LCK: variants seen among roughly 807,000 people sequenced by gnomAD.
LCK encodes tyrosine-protein kinase Lck.
In LCK, 14 loss-of-function variants were observed where a neutral mutation model predicts 64.6. The observed-to-expected ratio is 0.22, with a 90% CI of 0.14 to 0.34. The LOEUF is 0.34. Among genes scored for constraint, LCK ranks in the 10% least tolerant of loss-of-function variants. The pLI is 1.00. For synonymous variants in LCK, 277 were observed against 263.6 expected (o/e 1.05, Z -0.49); for missense variants, 434 against 668.1 (o/e 0.65, Z 3.86).
chr1:32,265,119 G>A (rs746139653), intron 1 of LCK, among the ~76,000 whole-genome samples: 1 of 151,720 alleles, frequency 6.6e-6, no homozygotes, highest in Non-Finnish European at 1.5e-5. Context: ...AGGCACGGAG[G>A]TTGCAGTGAG....
At chr1:32,253,474 G>T (rs1011807370) in intron 1 of LCK, among the ~76,000 whole-genome samples, 2 of 152,162 alleles carry the variant, frequency 1.3e-5, no homozygotes, top group Admixed American at 6.5e-5. Context: ...AGTAGAGATG[G>T]AGTTTCACTA....
intron 12 of LCK, among the ~76,000 whole-genome samples, chr1:32,284,933 A>G (rs781254700): frequency 2.6e-5 from 4 of 152,166 alleles, no homozygotes; most frequent in Non-Finnish European, 5.9e-5. Context: ...GCAATGTGCT[A>G]TGATTGTGCC....
At chr1:32,255,813 T>A (rs1639618045) in intron 1 of LCK, among the ~76,000 whole-genome samples, 1 of 150,596 alleles carries the variant, frequency 6.6e-6, no homozygotes, top group Non-Finnish European at 1.5e-5. Flanking sequence ...TTTTTTTTTT[T>A]TTTTTTTGAG....
At chr1:32,255,810 T>A (rs199683565) in intron 1 of LCK, among the ~76,000 whole-genome samples, 7 of 150,560 alleles carry the variant, frequency 4.6e-5, no homozygotes, top group Non-Finnish European at 8.9e-5. Context: ...ATTTTTTTTT[T>A]TTTTTTTTTT....
chr1:32,268,325 A>G (rs1639984355), intron 1 of LCK, among the ~76,000 whole-genome samples: 1 of 151,970 alleles, frequency 6.6e-6, no homozygotes, highest in African/African-American at 2.4e-5. Context: ...TTATTTATTT[A>G]CTTTAGACAA....
rs538534683 is a variant in LCK at position 32,254,885 on chromosome 1, G to A, written c.-6+3514G>A. Among the ~76,000 whole-genome samples, 721 of 152,070 alleles carry A rather than the reference G, an allele frequency of 4.7e-3. 5 individuals carry two copies. The highest frequency in any genetic ancestry group is 0.017 in the African/African-American group (685 of 41,498). ...TCAAACAGGCCAGGCACAGTGGCTC[G>A]CACCTGTAATCCTAGCACTTTGGGG... is the stretch of plus-strand genomic sequence containing the variant. On this transcript the variant is annotated intron_variant, in intron 1 of 12. Transcript: ENST00000336890.
In LCK at chr1:32,276,924, C is replaced by T; in HGVS notation, c.964+138C>T. The T allele has an allele frequency of 1.1e-6, 1 of 909,468 alleles. No individual in the cohort carries two copies. The highest frequency in any genetic ancestry group is 2.0e-5 in the South Asian group (1 of 48,836). 56.3% of individuals were successfully genotyped at this position (909,468 alleles called of 1,614,324 possible). A position where few individuals can be genotyped will look rare whatever the true frequency, so the allele number is the denominator to read the frequency against. On this transcript the variant is annotated intron_variant, in intron 9 of 12. Transcript: ENST00000336890. The surrounding 1 kb of genome is among the most constrained non-coding windows in gnomAD (Gnocchi z 4.6). ...TGAGCTTTCCTGCCCCCTGGAGACT[C>T]ACCTCCAGCCGGGCGCGGTGGCTCA...
chr1:32,265,611 G>T (rs1253829625), intron 1 of LCK, among the ~76,000 whole-genome samples: 1 of 152,114 alleles, frequency 6.6e-6, no homozygotes, highest in Admixed American at 6.6e-5. Context: ...GGGATTTTCT[G>T]GCCCAGATTC....
In LCK at chr1:32,275,723, C is replaced by G. The variant is rs1640244020; in HGVS notation, c.481+51C>G. ...GCGCGGGGGTGCCCCGGGGTGTGCC[C>G]GAGGGGGGGCGCAGGGTGAGCCCGA... On this transcript the variant is annotated intron_variant, in intron 6 of 12. Coordinates refer to ENST00000336890, the MANE Select transcript of LCK (RefSeq NM_005356.5). This position sits in a 1 kb window ranked among gnomAD's most constrained non-coding sequence, Gnocchi z 6.9. 6.7e-7 allele frequency: 1 copy of G among 1,486,402 alleles called. No individual in the cohort carries two copies. Among genetic ancestry groups the G allele is most frequent in the Non-Finnish European group, 9.1e-7 (1 of 1,101,222 alleles). 92.1% of individuals were successfully genotyped at this position (1,486,402 alleles called of 1,614,324 possible).
chr1:32,267,710 A>G (rs1639961303), intron 1 of LCK, among the ~76,000 whole-genome samples: 1 of 151,960 alleles, frequency 6.6e-6, no homozygotes, highest in Admixed American at 6.6e-5. Context: ...AGCCTGACCA[A>G]CATGGAGAAA....
Position 32,275,148 on chromosome 1 carries a change from G to A in LCK, c.278+65G>A. 1 of 1,519,048 alleles carries A rather than the reference G, an allele frequency of 6.6e-7. No individual in the cohort carries two copies. Among genetic ancestry groups the A allele is most frequent in the Non-Finnish European group, 9.1e-7 (1 of 1,104,944 alleles). 94.1% of individuals were successfully genotyped at this position (1,519,048 alleles called of 1,614,324 possible). On this transcript the variant is annotated intron_variant, in intron 4 of 12. Transcript: ENST00000336890. The surrounding 1 kb of genome is among the most constrained non-coding windows in gnomAD (Gnocchi z 6.9). ...GGAGCGGCGATCTCCGCGACCCGCA[G>A]CCCTCCTGCGGCCCTTGACCAGCTC...
intron 1 of LCK, among the ~76,000 whole-genome samples, chr1:32,252,240 C>A: frequency 6.6e-6 from 1 of 152,196 alleles, no homozygotes; most frequent in East Asian, 1.9e-4. Context: ...CCAAGCGTCA[C>A]AGCAGGATGT....
At chr1:32,270,772 C>T (rs1349251279) in intron 1 of LCK, among the ~76,000 whole-genome samples, 6 of 141,074 alleles carry the variant, frequency 4.3e-5, no homozygotes, top group South Asian at 2.3e-4. Flanking sequence ...GGCGCAATTC[C>T]GGCTCACTGC....
intron 12 of LCK, among the ~76,000 whole-genome samples, chr1:32,284,960 A>C (rs1640571088): frequency 6.6e-6 from 1 of 152,060 alleles, no homozygotes; most frequent in African/African-American, 2.4e-5. Flanking sequence ...CAGCTGCTGC[A>C]CTCCAGCCTG....
chr1:32,260,635 T>G (rs1639743969), intron 1 of LCK, among the ~76,000 whole-genome samples: 1 of 152,286 alleles, frequency 6.6e-6, no homozygotes, highest in South Asian at 2.1e-4. Flanking sequence ...TTGTTTTGTT[T>G]TGTTTGAGAG....
intron 1 of LCK, among the ~76,000 whole-genome samples, chr1:32,267,685 C>T (rs1042883743): frequency 3.4e-5 from 5 of 148,288 alleles, no homozygotes; most frequent in Non-Finnish European, 4.5e-5. Context: ...CACCTGAGGT[C>T]GAGAGATTGA....
At chr1:32,260,548 T>C (rs191182617) in intron 1 of LCK, among the ~76,000 whole-genome samples, 2 of 152,316 alleles carry the variant, frequency 1.3e-5, no homozygotes, top group East Asian at 3.9e-4. Flanking sequence ...GTGCTCTACA[T>C]GTTCAGAGAA....
chr1:32,280,081 G>A lies in LCK; in HGVS notation c.1198G>A (p.Ala400Thr). The part of the protein sequence containing the change: ...EDNEYTAREG[A>T]KFPIKWTAPE... ...ACCTCACTCTGCCTCCTCCTTAGGGGCCAAGTTTCCCATTAAGTGGACAGC... is the reference window on the plus strand; with the variant it reads ...ACCTCACTCTGCCTCCTCCTTAGGGACCAAGTTTCCCATTAAGTGGACAGC... The change falls in exon 12 of 13, where the codon GCC becomes ACC. Residue 400 changes from alanine (A) to threonine (T), a missense_variant and splice_region_variant. Transcript: ENST00000336890. 1 of 1,614,080 alleles carries A rather than the reference G, an allele frequency of 6.2e-7. No homozygotes were observed. Among genetic ancestry groups the A allele is most frequent in the Non-Finnish European group, 8.5e-7 (1 of 1,180,014 alleles).
At chr1:32,277,760 T>G (rs1277261652) in intron 9 of LCK, among the ~76,000 whole-genome samples, 1 of 152,220 alleles carries the variant, frequency 6.6e-6, no homozygotes, top group East Asian at 1.9e-4. Context: ...CTTCATGATT[T>G]TATGGCTTTG....
Sources: allele counts gnomAD v4.1 joint callset (sites outside exome capture counted in the v4.1 genomes callset), GRCh38; gene constraint gnomAD v4.1.1; non-coding constraint Gnocchi (gnomAD v3.1); transcripts MANE v1.5; gene names NCBI Gene and HGNC (gene_info 2026-07-23, HGNC 2026-07-21).